The following ERCC6 variants were observed in gnomAD, a reference collection of about 807,000 sequenced individuals.
The protein encoded by ERCC6 is DNA excision repair protein ERCC-6.
ERCC6 carries 116 observed loss-of-function variants against 158.7 expected under a neutral mutation model. The ratio of observed to expected loss-of-function variants is 0.73; its 90% CI spans 0.63 to 0.85. ERCC6 has a LOEUF of 0.85. ERCC6 is among the 40% of genes least tolerant of loss of function. ERCC6 has a pLI of 0.00. For missense variants in ERCC6, 1,698 were observed against 1,799.4 expected, an observed-to-expected ratio of 0.94 and a Z score of 1.02; for synonymous variants, 678 against 659.3, an observed-to-expected ratio of 1.03 and a Z score of -0.43.
chr10:49,496,688 A>G (rs1851272771), intron 7 of ERCC6, among the ~76,000 whole-genome samples: 1 of 152,072 alleles, frequency 6.6e-6, no homozygotes, highest in South Asian at 2.1e-4. Flanking sequence ...AGTGTCTGTA[A>G]TCCCAGCTAC....
intron 14 of ERCC6, 126 bp downstream of exon 14, chr10:49,473,351 C>T (rs928057419): frequency 7.5e-6 from 6 of 797,946 alleles, no homozygotes; most frequent in African/African-American, 1.7e-5. Context: ...AACAAGTCTC[C>T]CCTTAGGCCC....
chr10:49,483,265 G>T (rs1851011779), intron 9 of ERCC6, 81 bp downstream of exon 9: 1 of 1,377,348 alleles, frequency 7.3e-7, no homozygotes, highest in Non-Finnish European at 1.0e-6. Flanking sequence ...TTCAATAAAT[G>T]TGTTACTAAA....
intron 5 of ERCC6, 146 bp downstream of exon 5, chr10:49,523,887 G>T: frequency 8.4e-7 from 1 of 1,196,734 alleles, no homozygotes; most frequent in Non-Finnish European, 1.2e-6. Flanking sequence ...ACTGCTTCTA[G>T]CAGGTTAAGG....
Position 49,473,564 on chromosome 10 carries a change from G to A in ERCC6, c.2622C>T (p.Phe874=), listed in dbSNP as rs746074690. The A allele has an allele frequency of 4.3e-6, 7 of 1,610,126 alleles. No individual in the cohort carries two copies. The highest frequency in any genetic ancestry group is 2.7e-5 in the African/African-American group (2 of 74,808). Residue 874 remains phenylalanine, a synonymous_variant, in exon 14 of 21, where the codon TTC becomes TTT. Transcript: ENST00000355832. ...GATAGGTATACTTTTGGGCTCTAAG[G>A]AATACTTCAAGTATGTCCAGCATCT... ...SRQMLDILEV[F]LRAQKYTYLK... is the part of the protein sequence containing the mutation.
At chr10:49,448,439 C>T in the ERCC6 span, among the ~76,000 whole-genome samples, 3 of 152,144 alleles carry the variant, frequency 2.0e-5, no homozygotes, top group Admixed American at 2.0e-4. Flanking sequence ...TATTTATTAA[C>T]AACTGTACTG....
intron 1 of ERCC6, among the ~76,000 whole-genome samples, chr10:49,533,726 C>T (rs1837527315): frequency 6.6e-6 from 1 of 152,162 alleles, no homozygotes; most frequent in Admixed American, 6.5e-5. Flanking sequence ...TCACTTGAGC[C>T]TGGGAGATGG....
chr10:49,471,033 T>C lies in ERCC6; in HGVS notation c.3012A>G (p.Leu1004=), dbSNP rs765577885. The part of the protein sequence containing the change: ...RFFKSNDLYE[L]FTLTSPDASQ... The stretch of plus-strand genomic sequence containing the variant: ...ATGCATCAGGACTAGTCAGAGTAAA[T>C]AGCTCATAGAGATCATTGGATTTGA... The change falls in exon 17 of 21, where the codon CTA becomes CTG. Residue 1004 remains leucine (L), a synonymous_variant. Transcript: ENST00000355832. The C allele has an allele frequency of 1.6e-5, 26 of 1,614,006 alleles. No homozygotes were observed. The highest frequency in any genetic ancestry group is 1.0e-4 in the Admixed American group (6 of 60,010).
At position 49,458,574 on chromosome 10, in the gene ERCC6, T is replaced by C; in HGVS notation, c.*241A>G. 2.0e-6 allele frequency: 1 copy of C among 510,056 alleles called. No homozygotes were observed. The highest frequency in any genetic ancestry group is 3.5e-6 in the Non-Finnish European group (1 of 287,224). The allele number at this position is 510,056 out of a possible 1,614,324, so 31.6% of individuals were successfully genotyped here. ...TTAGGTACCTGATTTACAATATAAT[T>C]AGATTGCCAAAAAAAAAAAAATCAA... On this transcript the variant is annotated 3_prime_UTR_variant, in exon 21 of 21. Coordinates refer to ENST00000355832, the MANE Select transcript of ERCC6 (RefSeq NM_000124.4).
chr10:49,472,972 G>C lies in ERCC6; in HGVS notation c.2766C>G (p.Asn922Lys). The stretch of plus-strand genomic sequence containing the variant: ...TGACAACTCTGTTTGCCCCCGTCAG[G>C]TTGACACCTAAGCCGCCCACCCGCG... ...LTTRVGGLGV[N>K]LTGANRVVIY... The change falls in exon 15 of 21, where the codon AAC (asparagine) becomes AAG (lysine). Residue 922 changes from asparagine to lysine, a missense_variant. Physicochemically the swap from Asn to Lys is moderately conservative, Grantham distance 94. Coordinates refer to ENST00000355832, the MANE Select transcript of ERCC6 (RefSeq NM_000124.4). The C allele has an allele frequency of 6.2e-7, 1 of 1,614,128 alleles. No homozygotes were observed. The highest frequency in any genetic ancestry group is 1.1e-5 in the South Asian group (1 of 91,080).
rs1370149272 is a variant in ERCC6 at position 49,457,907 on chromosome 10, A to C, written c.*908T>G. The C allele has an allele frequency of 6.6e-6, 1 of 152,326 alleles. No homozygotes were observed. Among genetic ancestry groups the C allele is most frequent in the Non-Finnish European group, 1.5e-5 (1 of 68,112 alleles). 9.4% of individuals were successfully genotyped at this position (152,326 alleles called of 1,614,324 possible). A position where few individuals can be genotyped will look rare whatever the true frequency, so the allele number is the denominator to read the frequency against. On this transcript the variant is annotated 3_prime_UTR_variant, in exon 21 of 21. Coordinates refer to ENST00000355832, the MANE Select transcript of ERCC6 (RefSeq NM_000124.4). ...CAAGAAAGCCCGTCGCAAGGAATGC[A>C]AAGGCAGGCGCAAGACGAAGGCAAC...
At position 49,500,571 on chromosome 10, in the gene ERCC6, T is replaced by TCTTGGC; in HGVS notation, c.1651_1652insGCCAAG (p.Tyr551delinsCysGlnAsp). ...TGAACCACGAGTCCTGATCTTGCTG[T>TCTTGGC]AGCTCAGACCTGCCAAGAAGGCAAT... On this transcript the variant is annotated protein_altering_variant, in exon 7 of 21. Coordinates refer to ENST00000355832, the MANE Select transcript of ERCC6 (RefSeq NM_000124.4). 6.2e-7 allele frequency: 1 copy of TCTTGGC among 1,613,980 alleles called. No individual in the cohort carries two copies. Among genetic ancestry groups the TCTTGGC allele is most frequent in the Non-Finnish European group, 8.5e-7 (1 of 1,179,882 alleles).
rs1173450448 is a variant in ERCC6 at position 49,516,435 on chromosome 10, GAA to G, written c.1397+7596_1397+7597del. On this transcript the variant is annotated intron_variant, in intron 5 of 20. Coordinates refer to ENST00000355832, the MANE Select transcript of ERCC6 (RefSeq NM_000124.4). ...TGCATTGTCAGCAACATGCAAATTA[GAA>G]AATATAGTTTCAAACCGGTCACGTC... The G allele has an allele frequency of 2.5e-6, 4 of 1,614,176 alleles. No individual in the cohort carries two copies. The South Asian group carries it at 3.3e-5, about 13-fold the overall frequency.
chr10:49,482,972 T>C, intron 9 of ERCC6, 109 bp from the exon 10 acceptor site: 1 of 1,143,122 alleles, frequency 8.7e-7, no homozygotes, highest in Non-Finnish European at 1.3e-6. Flanking sequence ...TCATCATTCT[T>C]GCATCATTTT....
intron 8 of ERCC6, chr10:49,488,162 T>C (rs758440768): frequency 4.6e-6 from 1 of 216,674 alleles, no homozygotes; most frequent in Non-Finnish European, 9.9e-6. Context: ...ACTTACTGAA[T>C]GCAGTGCTGT....
chr10:49,474,141 T>C lies in ERCC6; in HGVS notation c.2484A>G (p.Glu828=). The C allele has an allele frequency of 6.2e-7, 1 of 1,614,162 alleles. No homozygotes were observed. ...GTTTCCAGTACCCAAACTGATCTTCTTCTAGTTCATCATCAGGAAGACCTT... is the reference window on the plus strand; with the variant it reads ...GTTTCCAGTACCCAAACTGATCTTCCTCTAGTTCATCATCAGGAAGACCTT... ...NLKGLPDDEL[E]EDQFGYWKRS... Residue 828 remains glutamate (E), a synonymous_variant, in exon 13 of 21, where the codon GAA becomes GAG. Coordinates refer to ENST00000355832, the MANE Select transcript of ERCC6 (RefSeq NM_000124.4).
intron 5 of ERCC6, chr10:49,516,712 A>T (rs758092872): frequency 4.3e-6 from 7 of 1,614,084 alleles, no homozygotes; most frequent in Non-Finnish European, 3.4e-6. Context: ...ACGGTGAAGA[A>T]ATCGTTTGGT....
In ERCC6 at chr10:49,503,366, CAAG is replaced by C. The variant is rs571848595; in HGVS notation, c.1526+2515_1526+2517del. ...TTCAAACAGCATGTGAGTGTGTTTACAAGAAGATGAACAGCACTAAGAAAATGA... is the reference window on the plus strand; with the variant it reads ...TTCAAACAGCATGTGAGTGTGTTTACAAGATGAACAGCACTAAGAAAATGA... On this transcript the variant is annotated intron_variant, in intron 6 of 20. Coordinates refer to ENST00000355832, the MANE Select transcript of ERCC6 (RefSeq NM_000124.4). 119 of 151,992 alleles carry C rather than the reference CAAG, an allele frequency of 7.8e-4. 1 individual carries two copies. The highest frequency in any genetic ancestry group is 2.6e-3 in the African/African-American group (109 of 41,432). 9.4% of individuals were successfully genotyped at this position (151,992 alleles called of 1,614,324 possible). A position where few individuals can be genotyped will look rare whatever the true frequency, so the allele number is the denominator to read the frequency against.
Position 49,470,522 on chromosome 10 carries a change from G to GCTT in ERCC6, c.3435_3437dup (p.Glu1145_Ser1146insArg), listed in dbSNP as rs1435512927. The GCTT allele has an allele frequency of 4.3e-6, 7 of 1,614,138 alleles. No homozygotes were observed. The highest frequency in any genetic ancestry group is 5.9e-6 in the Non-Finnish European group (7 of 1,180,018). On this transcript the variant is annotated inframe_insertion, in exon 18 of 21. Transcript: ENST00000355832. Reference sequence around the variant, plus strand: ...AAGAAAGACCTAACTTTTCATCAATGCTTTCATCACCAGATGGCATAGAAG... The same window carrying GCTT: ...AAGAAAGACCTAACTTTTCATCAATGCTTCTTTCATCACCAGATGGCATAGAAG...
intron 1 of ERCC6, 101 bp from the exon 2 acceptor site, chr10:49,533,079 T>G (rs1837512021): frequency 7.3e-7 from 1 of 1,362,770 alleles, no homozygotes; most frequent in Non-Finnish European, 9.9e-7. Flanking sequence ...AAAGATCAAG[T>G]AATAATCTTC....
Sources: gnomAD v4.1 joint callset for allele counts (sites outside exome capture counted in the v4.1 genomes callset) on GRCh38, gnomAD v4.1.1 for gene constraint, MANE v1.5 for transcripts, NCBI Gene and HGNC (gene_info 2026-07-23, HGNC 2026-07-21) for gene names.